CROCC2: variants seen among roughly 807,000 people sequenced by gnomAD.
The protein encoded by CROCC2 is ciliary rootlet coiled-coil, rootletin family member 2.
In CROCC2, 163 loss-of-function variants were observed where a neutral mutation model predicts 177.6. The observed-to-expected ratio is 0.92, with a 90% CI of 0.81 to 1.05. The LOEUF is 1.05. Among genes scored for constraint, CROCC2 ranks in the 50% least tolerant of loss-of-function variants. The pLI is 0.00. For missense variants in CROCC2, 1,929 were observed against 1,797.8 expected (o/e 1.07, Z -1.32); for synonymous variants, 904 against 787.3 (o/e 1.15, Z -2.48).
chr2:240,946,045 C>T lies in CROCC2; in HGVS notation c.2170-15C>T. 6.7e-7 allele frequency: 1 copy of T among 1,484,478 alleles called. No individual in the cohort carries two copies. Among genetic ancestry groups the T allele is most frequent in the South Asian group, 1.3e-5 (1 of 76,756 alleles). The allele number at this position is 1,484,478 out of a possible 1,614,324, so 92.0% of individuals were successfully genotyped here. A position where few individuals can be genotyped will look rare whatever the true frequency, so the allele number is the denominator to read the frequency against. ...TCTCTTTCTCTGCCGACTGTCCCCT[C>T]CCCACCTCCCCTAGGTCACATGCCA... On this transcript the variant is annotated splice_polypyrimidine_tract_variant and intron_variant, in intron 14 of 31. Coordinates refer to ENST00000690015, the MANE Select transcript of CROCC2 (RefSeq NM_001351305.2).
rs142812689 is a variant in CROCC2, at chr2:240,931,511, C to A, written c.947+383C>A. ...CGAGGCAGGAAGAGGGACCAGGCCA[C>A]CTCCTGCCCGATATGAAGGACACCC... On this transcript the variant is annotated intron_variant, in intron 7 of 31. Coordinates refer to ENST00000690015, the MANE Select transcript of CROCC2 (RefSeq NM_001351305.2). Among the ~76,000 whole-genome samples the A allele has an allele frequency of 7.2e-5, 11 of 152,330 alleles. No homozygotes were observed. In the East Asian group the frequency reaches 2.1e-3, roughly 29 times the overall value.
Position 240,989,831 on chromosome 2 carries a change from C to G in CROCC2, c.4861C>G (p.Gln1621Glu). Residue 1621 changes from glutamine (Q) to glutamate (E), a missense_variant and splice_region_variant, in exon 30 of 32, where the codon CAG (glutamine) becomes GAG (glutamate). By Grantham distance (29) the Gln-to-Glu change is conservative (BLOSUM62 2). Coordinates refer to ENST00000690015, the MANE Select transcript of CROCC2 (RefSeq NM_001351305.2). Reference protein sequence around the residue: ...HQQQVKVLEEQVASLKEQLDQ... With the variant: ...HQQQVKVLEEEVASLKEQLDQ... ...GCAGCAGGTAAAGGTGCTGGAAGAG[C>G]AGGTAAGGTCGGGACCCCAGCCCCC... 6.5e-7 allele frequency: 1 copy of G among 1,538,380 alleles called. No individual in the cohort carries two copies. The highest frequency in any genetic ancestry group is 2.5e-5 in the East Asian group (1 of 40,518).
At chr2:240,975,825 G>A (rs1353502313) in intron 27 of CROCC2, among the ~76,000 whole-genome samples, 1 of 149,376 alleles carries the variant, frequency 6.7e-6, no homozygotes, top group Non-Finnish European at 1.5e-5. Flanking sequence ...TGCCTCCCAG[G>A]TTCAAGTGAT....
rs974110039 is a variant in CROCC2 at position 240,953,022 on chromosome 2, C to T, written c.2829+2512C>T. ...CCCCACGCAGCCCCTCATTCCCATC[C>T]GAGACCAACCACTGGGCAACGTGGC... On this transcript the variant is annotated intron_variant, in intron 18 of 31. Transcript: ENST00000690015. The surrounding 1 kb of genome is among the most constrained non-coding windows in gnomAD (Gnocchi z 4.0). 2.8e-4 allele frequency among the ~76,000 whole-genome samples: 42 copies of T among 152,166 alleles called. No homozygotes were observed. Among genetic ancestry groups the T allele is most frequent in the Admixed American group, 1.9e-3 (29 of 15,288 alleles).
intron 26 of CROCC2, among the ~76,000 whole-genome samples, chr2:240,967,854 C>T (rs561996712): frequency 1.6e-4 from 24 of 152,260 alleles, no homozygotes; most frequent in Middle Eastern, 3.4e-3. Context: ...CCCTGCCCCT[C>T]GTCACCCCCT....
chr2:240,988,784 G>A lies in CROCC2; in HGVS notation c.4597G>A (p.Gly1533Arg). The A allele has an allele frequency of 6.6e-7, 1 of 1,513,276 alleles. No individual in the cohort carries two copies. Among genetic ancestry groups the A allele is most frequent in the Non-Finnish European group, 8.9e-7 (1 of 1,124,670 alleles). The allele number at this position is 1,513,276 out of a possible 1,614,324, so 93.7% of individuals were successfully genotyped here. The stretch of plus-strand genomic sequence containing the variant: ...GAGGGAGGAGGATGTGGCGAGGCTG[G>A]GGGCTGAGAAGGAGCAGCTGGACCA... ...LKREEDVARL[G>R]AEKEQLDQSL... Residue 1533 changes from glycine (G) to arginine (R), a missense_variant, in exon 29 of 32, where the codon GGG becomes AGG. By Grantham distance (125) the Gly-to-Arg change is moderately radical. Coordinates refer to ENST00000690015, the MANE Select transcript of CROCC2 (RefSeq NM_001351305.2).
intron 24 of CROCC2, 110 bp from the exon 25 acceptor site, chr2:240,966,115 G>A: frequency 7.9e-7 from 1 of 1,262,588 alleles, no homozygotes; most frequent in Non-Finnish European, 9.9e-7. Context: ...GTAGGAACCT[G>A]TGGCCGTCTC....
Position 240,958,540 on chromosome 2 carries a change from C to T in CROCC2, c.2944-761C>T. The T allele has an allele frequency of 5.1e-6, 5 of 984,062 alleles. No homozygotes were observed. Among genetic ancestry groups the T allele is most frequent in the Non-Finnish European group, 6.0e-6 (5 of 828,704 alleles). 61.0% of individuals were successfully genotyped at this position (984,062 alleles called of 1,614,324 possible). ...GTGGGCACCTGTGCCCCCAGGAACA[C>T]AAAGCCAGCTCTGGAGGGAGCCATC... On this transcript the variant is annotated intron_variant, in intron 19 of 31. Transcript: ENST00000690015. The surrounding 1 kb of genome is among the most constrained non-coding windows in gnomAD (Gnocchi z 6.7).
In CROCC2 at chr2:240,957,901, G is replaced by A; in HGVS notation, c.2944-1400G>A. On this transcript the variant is annotated intron_variant, in intron 19 of 31. Transcript: ENST00000690015. ...GCAGCTCTCTTGGCTCCACCCCGTGGGCAGGGACCCAGGAAAGCCCTCCTG... is the reference window on the plus strand; with the variant it reads ...GCAGCTCTCTTGGCTCCACCCCGTGAGCAGGGACCCAGGAAAGCCCTCCTG... The A allele has an allele frequency of 5.7e-6, 5 of 881,690 alleles. No individual in the cohort carries two copies. In the South Asian group the frequency reaches 2.1e-4, roughly 37 times the overall value. The allele number at this position is 881,690 out of a possible 1,614,324, so 54.6% of individuals were successfully genotyped here.
At chr2:240,947,969 A>G (rs77813353) in intron 15 of CROCC2, among the ~76,000 whole-genome samples, 2,527 of 152,276 alleles carry the variant, frequency 0.017, 223 homozygotes, top group Admixed American at 0.14. Context: ...CAGGTCCCCA[A>G]GCTTCAGGCA....
At chr2:240,966,073 A>G (rs963246550) in intron 24 of CROCC2, 80 bp downstream of exon 24, 3 of 1,287,776 alleles carry the variant, frequency 2.3e-6, no homozygotes, top group Non-Finnish European at 2.9e-6. Flanking sequence ...AGGCCTCACA[A>G]CTCACACAGT....
chr2:240,926,793 C>T (rs974157916), intron 5 of CROCC2, among the ~76,000 whole-genome samples: 1 of 152,262 alleles, frequency 6.6e-6, no homozygotes, highest in Non-Finnish European at 1.5e-5. Flanking sequence ...AGGTTTACAC[C>T]CCGAGAGGGA....
intron 19 of CROCC2, chr2:240,959,097 C>T (rs1055729725): frequency 5.2e-6 from 3 of 573,236 alleles, no homozygotes; most frequent in Admixed American, 3.2e-5. Flanking sequence ...TGTCAGGGGC[C>T]GTGGATGTCT....
rs1325975782 is a variant in CROCC2, at chr2:240,906,383, GAC to G, written c.-127_-126del. On this transcript the variant is annotated 5_prime_UTR_variant, in exon 1 of 32. Coordinates refer to ENST00000690015, the MANE Select transcript of CROCC2 (RefSeq NM_001351305.2). ...AGAGCAACTGGGTGCCCAGGCTCGGGACACAAGACTGCAGAGCCAGGTGCCAC... is the reference window on the plus strand; with the variant it reads ...AGAGCAACTGGGTGCCCAGGCTCGGGACAAGACTGCAGAGCCAGGTGCCAC... 7.5e-6 allele frequency: 3 copies of G among 397,714 alleles called. No homozygotes were observed. The Admixed American group carries it at 1.3e-4, about 18-fold the overall frequency. The allele number at this position is 397,714 out of a possible 1,614,324, so 24.6% of individuals were successfully genotyped here.
Position 240,985,822 on chromosome 2 carries a change from CCA to C in CROCC2, c.4551+2801_4551+2802del, listed in dbSNP as rs374586199. ...CTCCACACACACCCAGGCACTCACT[CCA>C]CACACACCCAGGCACTCACACTGGG... is the stretch of plus-strand genomic sequence containing the variant. On this transcript the variant is annotated intron_variant, in intron 28 of 31. Coordinates refer to ENST00000690015, the MANE Select transcript of CROCC2 (RefSeq NM_001351305.2). 122 of 394,654 alleles carry C rather than the reference CCA, an allele frequency of 3.1e-4. 1 individual carries two copies. In the East Asian group the frequency reaches 8.1e-3, roughly 26 times the overall value. 24.4% of individuals were successfully genotyped at this position (394,654 alleles called of 1,614,324 possible). A position where few individuals can be genotyped will look rare whatever the true frequency, so the allele number is the denominator to read the frequency against.
chr2:240,927,546 G>A (rs548602294), intron 5 of CROCC2, among the ~76,000 whole-genome samples: 8 of 152,108 alleles, frequency 5.3e-5, no homozygotes, highest in Non-Finnish European at 1.2e-4. Context: ...TCTAATCTCT[G>A]TTAAATTTGC....
chr2:240,948,576 G>T (rs989173611), intron 15 of CROCC2, among the ~76,000 whole-genome samples: 2 of 152,234 alleles, frequency 1.3e-5, no homozygotes, highest in African/African-American at 4.8e-5. Context: ...GATCATTGAT[G>T]AATTAACTGT....
At chr2:240,916,544 C>G (rs1263230605) in intron 1 of CROCC2, among the ~76,000 whole-genome samples, 8 of 145,786 alleles carry the variant, frequency 5.5e-5, no homozygotes, top group African/African-American at 1.7e-4. Flanking sequence ...TGCGCTCCCC[C>G]CGCGCTCCCC....
At chr2:240,941,020 A>G (rs1198055919) in intron 14 of CROCC2, among the ~76,000 whole-genome samples, 2 of 152,242 alleles carry the variant, frequency 1.3e-5, no homozygotes, top group African/African-American at 2.4e-5. Flanking sequence ...TACACAAATC[A>G]GTAGCTCTGC....
Sources: allele counts gnomAD v4.1 joint callset (sites outside exome capture counted in the v4.1 genomes callset), GRCh38; gene constraint gnomAD v4.1.1; non-coding constraint Gnocchi (gnomAD v3.1); transcripts MANE v1.5; gene names NCBI Gene and HGNC (gene_info 2026-07-23, HGNC 2026-07-21).